The following GIGYF2 variants were observed in gnomAD, a reference collection of about 807,000 sequenced individuals.
GIGYF2 encodes GRB10 interacting GYF protein 2.
A neutral mutation model predicts 208.1 loss-of-function variants in GIGYF2; 25 were observed. The ratio of observed to expected loss-of-function variants is 0.12; its 90% CI spans 0.09 to 0.17. The LOEUF is 0.17. Among genes scored for constraint, GIGYF2 ranks in the 10% least tolerant of loss-of-function variants. The probability of loss-of-function intolerance (pLI) is 1.00; values close to 1 mark genes in which losing one functional copy is unlikely to be tolerated. For synonymous variants in GIGYF2, 534 were observed against 543.8 expected (o/e 0.98, Z 0.25); for missense variants, 1,302 against 1,579.4 (o/e 0.82, Z 2.98).
chr2:232,720,776 G>A (rs113583347), intron 2 of GIGYF2, among the ~76,000 whole-genome samples: 1 of 151,906 alleles, frequency 6.6e-6, no homozygotes, highest in Non-Finnish European at 1.5e-5. Context: ...TGTATTTTTA[G>A]TAGAGACGGG....
At chr2:232,724,043 T>G (rs1436040525) in intron 2 of GIGYF2, among the ~76,000 whole-genome samples, 2 of 151,160 alleles carry the variant, frequency 1.3e-5, no homozygotes, top group Non-Finnish European at 2.9e-5. Flanking sequence ...CTTCCACAGC[T>G]AAGATTCTTA....
chr2:232,797,065 T>G (rs1700243885), intron 14 of GIGYF2, among the ~76,000 whole-genome samples: 1 of 134,524 alleles, frequency 7.4e-6, no homozygotes, highest in Non-Finnish European at 1.6e-5. Flanking sequence ...GCAGTAGTGT[T>G]GGAGGACCTT....
At chr2:232,777,182 A>G (rs892833961) in intron 8 of GIGYF2, among the ~76,000 whole-genome samples, 1 of 152,132 alleles carries the variant, frequency 6.6e-6, no homozygotes, top group African/African-American at 2.4e-5. Flanking sequence ...TGTACCTGAT[A>G]CTTTAAAAAA....
At chr2:232,750,531 TA>T (rs1241034522) in intron 5 of GIGYF2, among the ~76,000 whole-genome samples, 1 of 152,258 alleles carries the variant, frequency 6.6e-6, no homozygotes, top group East Asian at 1.9e-4. Flanking sequence ...CAAGTATTTT[TA>T]TTGAAAGACT....
chr2:232,794,789 T>C lies in GIGYF2; in HGVS notation c.1324T>C (p.Ser442Pro). The change falls in exon 13 of 29, where the codon TCA (serine) becomes CCA (proline). Residue 442 changes from serine (S) to proline (P), a missense_variant. By Grantham distance (74) the Ser-to-Pro change is moderately conservative. Coordinates refer to ENST00000373563, the MANE Select transcript of GIGYF2 (RefSeq NM_001103146.3). ...DVQQPLSQIPSDTASPLLILP... is the reference protein window; with the variant it reads ...DVQQPLSQIPPDTASPLLILP... ...CCAGCAGCCCCTGTCGCAGATTCCT[T>C]CAGATACAGCCTCTCCTCTTCTCAT... is the stretch of plus-strand genomic sequence containing the variant. 1 of 1,613,938 alleles carries C rather than the reference T, an allele frequency of 6.2e-7. No individual in the cohort carries two copies. The highest frequency in any genetic ancestry group is 8.5e-7 in the Non-Finnish European group (1 of 1,179,852).
At position 232,811,234 on chromosome 2, in the gene GIGYF2, C is replaced by A; in HGVS notation, c.1899-10C>A. 3.4e-6 allele frequency: 5 copies of A among 1,487,912 alleles called. No homozygotes were observed. The highest frequency in any genetic ancestry group is 4.7e-6 in the Non-Finnish European group (5 of 1,067,644). 92.2% of individuals were successfully genotyped at this position (1,487,912 alleles called of 1,614,324 possible). ...TTGACAGGTTATACTTTTTTTTTTA[C>A]TTTTTGAAGACAACAATATGCACAG... On this transcript the variant is annotated splice_polypyrimidine_tract_variant and intron_variant, in intron 16 of 28. Transcript: ENST00000373563.
In GIGYF2 at chr2:232,806,668, T is replaced by G. The variant is rs1242143547; in HGVS notation, c.1806+11T>G. On this transcript the variant is annotated intron_variant, in intron 15 of 28. Coordinates refer to ENST00000373563, the MANE Select transcript of GIGYF2 (RefSeq NM_001103146.3). The surrounding 1 kb of genome is among the most constrained non-coding windows in gnomAD (Gnocchi z 4.0). ...CCCCCTCCTCATATGGTAAGTACCT[T>G]TCACCTCACCTGGAATACATATTAG... is the stretch of plus-strand genomic sequence containing the variant. 2 of 1,586,974 alleles carry G rather than the reference T, an allele frequency of 1.3e-6. No individual in the cohort carries two copies. Among genetic ancestry groups the G allele is most frequent in the Admixed American group, 3.3e-5 (2 of 59,990 alleles).
At chr2:232,823,833 G>C (rs370152584) in intron 21 of GIGYF2, among the ~76,000 whole-genome samples, 5 of 152,144 alleles carry the variant, frequency 3.3e-5, no homozygotes, top group African/African-American at 1.2e-4. Context: ...TGCTTTGCAC[G>C]TATTTCATTT....
chr2:232,700,450 C>T (rs1396082499), intron 1 of GIGYF2: 2 of 152,180 alleles, frequency 1.3e-5, no homozygotes, highest in Non-Finnish European at 2.9e-5. Flanking sequence ...AAGATTACTA[C>T]TGTCGCTTTT....
Position 232,759,430 on chromosome 2 carries a change from G to A in GIGYF2, c.380-1050G>A, listed in dbSNP as rs547520783. ...GTTTGTTGGGAAAACTGTACATAAAGTATGAAGCTAAAAGTGCATACGGTC... is the reference window on the plus strand; with the variant it reads ...GTTTGTTGGGAAAACTGTACATAAAATATGAAGCTAAAAGTGCATACGGTC... On this transcript the variant is annotated intron_variant, in intron 6 of 28. Transcript: ENST00000373563. Among the ~76,000 whole-genome samples, 33 of 150,464 alleles carry A rather than the reference G, an allele frequency of 2.2e-4. No homozygotes were observed. In the East Asian group the frequency reaches 4.5e-3, roughly 21 times the overall value.
chr2:232,709,924 G>A (rs1313207228), intron 2 of GIGYF2, among the ~76,000 whole-genome samples: 3 of 152,014 alleles, frequency 2.0e-5, no homozygotes, highest in African/African-American at 7.2e-5. Flanking sequence ...GAGCCACTGT[G>A]CCTGGGCTCC....
chr2:232,831,998 A>G (rs1477018310), intron 21 of GIGYF2, among the ~76,000 whole-genome samples: 1 of 152,184 alleles, frequency 6.6e-6, no homozygotes, highest in East Asian at 1.9e-4. Flanking sequence ...TGCCAGGAAT[A>G]AGCCTGACAA....
intron 2 of GIGYF2, among the ~76,000 whole-genome samples, chr2:232,723,910 G>A (rs1263854758): frequency 2.0e-5 from 3 of 149,704 alleles, no homozygotes; most frequent in South Asian, 4.2e-4. Flanking sequence ...CTAATTTTTT[G>A]TATTTTCAGT....
chr2:232,847,599 C>T, intron 27 of GIGYF2, 28 bp downstream of exon 27: 1 of 1,610,538 alleles, frequency 6.2e-7, no homozygotes, highest in Admixed American at 1.7e-5. Context: ...GTATGCGGTA[C>T]CTCTGAGGAT....
At chr2:232,753,793 A>T (rs1428046033) in intron 5 of GIGYF2, among the ~76,000 whole-genome samples, 1 of 152,176 alleles carries the variant, frequency 6.6e-6, no homozygotes, top group Non-Finnish European at 1.5e-5. Context: ...GTTCCTAATT[A>T]CAAGTATGCT....
At chr2:232,712,476 A>G (rs1012414382) in intron 2 of GIGYF2, among the ~76,000 whole-genome samples, 2 of 152,226 alleles carry the variant, frequency 1.3e-5, no homozygotes, top group African/African-American at 4.8e-5. Context: ...TTATGAGTAC[A>G]TGCCACATGG....
rs757402736 is a variant in GIGYF2 at position 232,844,530 on chromosome 2, A to G, written c.3261A>G (p.Gly1087=). 10 of 1,613,736 alleles carry G rather than the reference A, an allele frequency of 6.2e-6. No individual in the cohort carries two copies. The East Asian group carries it at 1.8e-4, about 29-fold the overall frequency. ...GFWDDAVKEV[G]PRNSTNKNKN... ...GGGATGATGCAGTGAAAGAGGTGGG[A>G]CCTAGGAATTCAACAAATAAAAATA... The change falls in exon 25 of 29, where the codon GGA becomes GGG. Residue 1087 remains glycine, a synonymous_variant. Coordinates refer to ENST00000373563, the MANE Select transcript of GIGYF2 (RefSeq NM_001103146.3).
chr2:232,710,559 C>T (rs1696342923), intron 2 of GIGYF2, among the ~76,000 whole-genome samples: 2 of 152,286 alleles, frequency 1.3e-5, no homozygotes, highest in East Asian at 1.9e-4. Flanking sequence ...CTTTACAGCC[C>T]AGTGAGAGAG....
At chr2:232,835,916 A>C (rs74395302) in intron 22 of GIGYF2, among the ~76,000 whole-genome samples, 7,648 of 147,224 alleles carry the variant, frequency 0.052, 276 homozygotes, top group East Asian at 0.18. Flanking sequence ...TGCAGCGCTG[A>C]CCCCGAGATA....
Sources: gnomAD v4.1 joint callset for allele counts (sites outside exome capture counted in the v4.1 genomes callset) on GRCh38, gnomAD v4.1.1 for gene constraint, Gnocchi (gnomAD v3.1) non-coding constraint, MANE v1.5 for transcripts, NCBI Gene and HGNC (gene_info 2026-07-23, HGNC 2026-07-21) for gene names.